EDEM3: variants seen among roughly 807,000 people sequenced by gnomAD.
EDEM3 encodes the protein ER degradation enhancing alpha-mannosidase like protein 3.
In EDEM3, 60 loss-of-function variants were observed where a neutral mutation model predicts 110.2. The observed-to-expected ratio is 0.54, with a 90% CI of 0.44 to 0.67. The LOEUF (loss-of-function observed/expected upper bound fraction) is 0.67, where lower values mean the gene tolerates loss of function less well. EDEM3 is among the 30% of genes least tolerant of loss of function. The pLI is 0.00. For missense variants in EDEM3, 996 were observed against 1,121.0 expected (o/e 0.89, Z 1.59); for synonymous variants, 352 against 382.9 (o/e 0.92, Z 0.94).
At chr1:184,713,002 T>G (rs541971335) in intron 13 of EDEM3, among the ~76,000 whole-genome samples, 1 of 152,318 alleles carries the variant, frequency 6.6e-6, no homozygotes, top group South Asian at 2.1e-4. Context: ...TTGACGGAAT[T>G]TATTATGTAG....
intron 6 of EDEM3, among the ~76,000 whole-genome samples, chr1:184,730,448 A>G (rs905941730): frequency 2.0e-5 from 3 of 152,070 alleles, no homozygotes; most frequent in African/African-American, 7.2e-5. Context: ...TCAGCCGAGC[A>G]TGGTGGCACG....
At chr1:184,736,686 G>A (rs947180753) in intron 4 of EDEM3, among the ~76,000 whole-genome samples, 1 of 152,082 alleles carries the variant, frequency 6.6e-6, no homozygotes, top group East Asian at 1.9e-4. Flanking sequence ...ATATCATTTT[G>A]GCATGTCATT....
chr1:184,716,431 T>C (rs2102080446), intron 13 of EDEM3, among the ~76,000 whole-genome samples: 1 of 152,290 alleles, frequency 6.6e-6, no homozygotes, highest in South Asian at 2.1e-4. Flanking sequence ...AAACAGAAAC[T>C]ACCACTGGTC....
At chr1:184,753,534 C>T (rs985889685) in intron 1 of EDEM3, among the ~76,000 whole-genome samples, 1 of 151,718 alleles carries the variant, frequency 6.6e-6, no homozygotes, top group Non-Finnish European at 1.5e-5. Flanking sequence ...TCAAAGTGTG[C>T]ACAATTTAAA....
At chr1:184,699,943 C>T (rs902069579) in intron 19 of EDEM3, among the ~76,000 whole-genome samples, 8 of 151,760 alleles carry the variant, frequency 5.3e-5, no homozygotes, top group African/African-American at 1.9e-4. Context: ...CTAAAGGTAA[C>T]AAAACATTGC....
rs1649190420 is a variant in EDEM3, at chr1:184,693,846, C to A, written c.*217G>T. 2.0e-6 allele frequency: 1 copy of A among 505,012 alleles called. No homozygotes were observed. The highest frequency in any genetic ancestry group is 3.1e-5 in the East Asian group (1 of 32,546). 31.3% of individuals were successfully genotyped at this position (505,012 alleles called of 1,614,324 possible). A position where few individuals can be genotyped will look rare whatever the true frequency, so the allele number is the denominator to read the frequency against. ...TGCAGTGCTGCATTTGAAGGGGGAA[C>A]TGTGGATTTCCATTTTTGATGGGAC... On this transcript the variant is annotated 3_prime_UTR_variant, in exon 20 of 20. Coordinates refer to ENST00000318130, the MANE Select transcript of EDEM3 (RefSeq NM_025191.4).
intron 1 of EDEM3, 134 bp from the exon 2 acceptor site, chr1:184,749,726 G>C: frequency 1.4e-6 from 1 of 697,546 alleles, no homozygotes; most frequent in Non-Finnish European, 2.3e-6. Context: ...TAGGTAGAAA[G>C]GGACATAAAC....
In EDEM3 at chr1:184,745,705, G is replaced by GT. The variant is rs140463690; in HGVS notation, c.204+3841dup. Reference sequence around the variant, plus strand: ...TTTGATTAATAAAGACTATTCTACTGTTGCTTTCACAAAATCAAGCTTAAT... The same window carrying GT: ...TTTGATTAATAAAGACTATTCTACTGTTTGCTTTCACAAAATCAAGCTTAAT... On this transcript the variant is annotated intron_variant, in intron 2 of 19. Coordinates refer to ENST00000318130, the MANE Select transcript of EDEM3 (RefSeq NM_025191.4). 2.9e-3 allele frequency among the ~76,000 whole-genome samples: 434 copies of GT among 152,198 alleles called. 5 individuals are homozygous for GT. The East Asian group carries it at 0.036, about 13-fold the overall frequency.
chr1:184,706,881 T>C, intron 17 of EDEM3, 73 bp from the exon 18 acceptor site: 1 of 1,467,726 alleles, frequency 6.8e-7, no homozygotes, highest in Non-Finnish European at 9.3e-7. Context: ...CCTCAATATC[T>C]AGAGTTTTAA....
Position 184,754,701 on chromosome 1 carries a change from G to A in EDEM3, c.-55C>T, listed in dbSNP as rs1653001360. The A allele has an allele frequency of 6.8e-7, 1 of 1,472,310 alleles. No individual in the cohort carries two copies. Among genetic ancestry groups the A allele is most frequent in the African/African-American group, 1.4e-5 (1 of 69,468 alleles). 91.2% of individuals were successfully genotyped at this position (1,472,310 alleles called of 1,614,324 possible). A position where few individuals can be genotyped will look rare whatever the true frequency, so the allele number is the denominator to read the frequency against. On this transcript the variant is annotated 5_prime_UTR_variant, in exon 1 of 20. Coordinates refer to ENST00000318130, the MANE Select transcript of EDEM3 (RefSeq NM_025191.4). ...CTACGCCCGGCCGGTGAGACACATT[G>A]CTGGACGCTGGTGGCCAGGGGGCTG...
At chr1:184,722,107 T>C (rs537568927) in intron 8 of EDEM3, among the ~76,000 whole-genome samples, 12 of 152,200 alleles carry the variant, frequency 7.9e-5, no homozygotes, top group African/African-American at 2.9e-4. Flanking sequence ...CTTCTCTGTT[T>C]ATGTGTATGC....
At position 184,754,840 on chromosome 1, in the gene EDEM3, G is replaced by A. The variant is rs188761389; in HGVS notation, c.-194C>T. On this transcript the variant is annotated 5_prime_UTR_variant, in exon 1 of 20. Transcript: ENST00000318130. ...AGCGCCAGCGCTGCCACCGCCCTCC[G>A]CCCTCAGTATCCCGGAGCGCCTCCC... is the stretch of plus-strand genomic sequence containing the variant. 3.5e-4 allele frequency: 311 copies of A among 883,538 alleles called. No homozygotes were observed. The African/African-American group carries it at 5.1e-3, about 15-fold the overall frequency. The allele number at this position is 883,538 out of a possible 1,614,324, so 54.7% of individuals were successfully genotyped here.
intron 19 of EDEM3, among the ~76,000 whole-genome samples, chr1:184,701,145 T>C (rs1206092534): frequency 1.3e-5 from 2 of 152,026 alleles, no homozygotes; most frequent in African/African-American, 2.4e-5. Context: ...CTAACCCATG[T>C]ACCATACACA....
chr1:184,754,475 G>T lies in EDEM3; in HGVS notation c.158+14C>A, dbSNP rs772459409. On this transcript the variant is annotated intron_variant, in intron 1 of 19. Coordinates refer to ENST00000318130, the MANE Select transcript of EDEM3 (RefSeq NM_025191.4). ...CTCACCGAGAAACCCACCCCAGGCT[G>T]CCAGCACCCTTACCCAAGCTTCTGT... 5.0e-6 allele frequency: 8 copies of T among 1,612,794 alleles called. No homozygotes were observed. The South Asian group carries it at 8.8e-5, about 18-fold the overall frequency.
Position 184,702,977 on chromosome 1 carries a change from G to A in EDEM3, c.2223C>T (p.Ser741=). 1 of 1,604,984 alleles carries A rather than the reference G, an allele frequency of 6.2e-7. No homozygotes were observed. The highest frequency in any genetic ancestry group is 8.5e-7 in the Non-Finnish European group (1 of 1,176,802). ...TCTGGAACAGAGGGGCAGTATCACT[G>A]CTGCTCCCCTCATTGTCATCTAGCC... ...GIVIDDNEGS[S]SDTAPLFQMA... The change falls in exon 19 of 20, where the codon AGC becomes AGT. Residue 741 remains serine (S), a synonymous_variant. Transcript: ENST00000318130.
intron 15 of EDEM3, 36 bp from the exon 16 acceptor site, chr1:184,710,583 T>C: frequency 2.6e-6 from 4 of 1,548,148 alleles, no homozygotes; most frequent in Non-Finnish European, 2.6e-6. Flanking sequence ...CTTAAAAAAC[T>C]ATAAATTAGA....
At chr1:184,748,680 T>C (rs58567077) in intron 2 of EDEM3, among the ~76,000 whole-genome samples, 2,952 of 152,252 alleles carry the variant, frequency 0.019, 88 homozygotes, top group African/African-American at 0.067. Context: ...ATTACATATA[T>C]TTAGATGTTC....
At position 184,723,736 on chromosome 1, in the gene EDEM3, G is replaced by A; in HGVS notation, c.853+15C>T. The A allele has an allele frequency of 6.4e-7, 1 of 1,563,318 alleles. No individual in the cohort carries two copies. ...AGGATGCAAAGGCTTGATTTAAAAA[G>A]CCTAACTTACATACCTTTTCGTACC... On this transcript the variant is annotated intron_variant, in intron 8 of 19. Transcript: ENST00000318130.
chr1:184,749,407 A>G, intron 2 of EDEM3, 140 bp downstream of exon 2: 1 of 654,028 alleles, frequency 1.5e-6, no homozygotes, highest in Non-Finnish European at 2.6e-6. Context: ...CACTACCAGA[A>G]AGACTATTTT....
Sources: allele counts gnomAD v4.1 joint callset (sites outside exome capture counted in the v4.1 genomes callset), GRCh38; gene constraint gnomAD v4.1.1; transcripts MANE v1.5; gene names NCBI Gene and HGNC (gene_info 2026-07-23, HGNC 2026-07-21).